Variants in SLCO1A2 observed in about 807,000 individuals in gnomAD.
SLCO1A2 encodes OATP-1.
In SLCO1A2, 67 loss-of-function variants were observed where a neutral mutation model predicts 69.0. The ratio of observed to expected loss-of-function variants is 0.97; its 90% CI spans 0.80 to 1.19. SLCO1A2 has a LOEUF of 1.19. Ranked by LOEUF, SLCO1A2 falls within the 50% of genes most tolerant of loss-of-function variation. The pLI is 0.00. For missense variants in SLCO1A2, 787 were observed against 793.7 expected, an observed-to-expected ratio of 0.99 and a Z score of 0.10; for synonymous variants, 260 against 265.9, an observed-to-expected ratio of 0.98 and a Z score of 0.22.
intron 2 of SLCO1A2, among the ~76,000 whole-genome samples, chr12:21,346,076 A>G (rs772725769): frequency 6.6e-6 from 1 of 152,178 alleles, no homozygotes; most frequent in Middle Eastern, 3.4e-3. Context: ...TCTAAACACT[A>G]CAATTAGGAA....
At chr12:21,279,079 A>T (rs2136149808) in intron 12 of SLCO1A2, among the ~76,000 whole-genome samples, 1 of 152,126 alleles carries the variant, frequency 6.6e-6, no homozygotes, top group South Asian at 2.1e-4. Flanking sequence ...ATGCCTCAGA[A>T]TCTCTTAATA....
At chr12:21,375,823 C>A (rs1469060721) in intron 1 of SLCO1A2, among the ~76,000 whole-genome samples, 1 of 152,146 alleles carries the variant, frequency 6.6e-6, no homozygotes, top group Non-Finnish European at 1.5e-5. Context: ...TCAAGAATTT[C>A]CATGTGTGTA....
intron 1 of SLCO1A2, among the ~76,000 whole-genome samples, chr12:21,411,408 A>G (rs959619910): frequency 6.6e-6 from 1 of 152,192 alleles, no homozygotes; most frequent in African/African-American, 2.4e-5. Context: ...GTGATCATAT[A>G]CCAAAATCCC....
intron 2 of SLCO1A2, among the ~76,000 whole-genome samples, chr12:21,341,436 C>A (rs979501401): frequency 2.5e-5 from 3 of 120,412 alleles, no homozygotes; most frequent in Non-Finnish European, 5.5e-5. Flanking sequence ...GGAATTGATT[C>A]TTTAAAAATG....
intron 8 of SLCO1A2, among the ~76,000 whole-genome samples, chr12:21,299,821 TATACAC>T (rs1243010078): frequency 1.5e-5 from 2 of 136,248 alleles, no homozygotes; most frequent in African/African-American, 5.7e-5. Context: ...CACACACACA[TATACAC>T]ACACATATAT....
chr12:21,285,961 C>A (rs1200472393), intron 12 of SLCO1A2, among the ~76,000 whole-genome samples: 1 of 152,122 alleles, frequency 6.6e-6, no homozygotes, highest in Non-Finnish European at 1.5e-5. Flanking sequence ...GACAGGGATG[C>A]CCTCTCTCAC....
At chr12:21,298,456 C>T (rs1433064021) in intron 8 of SLCO1A2, among the ~76,000 whole-genome samples, 1 of 152,146 alleles carries the variant, frequency 6.6e-6, no homozygotes, top group East Asian at 1.9e-4. Context: ...TGTTCTCTGT[C>T]TTGACTTTCT....
At chr12:21,281,171 G>T (rs1023465815) in intron 12 of SLCO1A2, among the ~76,000 whole-genome samples, 1 of 152,068 alleles carries the variant, frequency 6.6e-6, no homozygotes, top group Admixed American at 6.6e-5. Context: ...AACCCAATGG[G>T]CCAGGCGTGG....
chr12:21,330,657 A>C (rs12231212), intron 2 of SLCO1A2, among the ~76,000 whole-genome samples: 57,087 of 152,082 alleles, frequency 0.38, 11,546 homozygotes, highest in African/African-American at 0.53. Flanking sequence ...TAAAAAGAAA[A>C]AGATTATAGA....
intron 3 of SLCO1A2, among the ~76,000 whole-genome samples, chr12:21,315,263 C>A (rs1416478135): frequency 4.6e-5 from 7 of 151,998 alleles, no homozygotes; most frequent in Admixed American, 3.9e-4. Context: ...AATTAGTAGA[C>A]CCCCACTTCT....
chr12:21,329,369 G>A (rs2136930354), intron 2 of SLCO1A2, among the ~76,000 whole-genome samples: 1 of 152,256 alleles, frequency 6.6e-6, no homozygotes, highest in African/African-American at 2.4e-5. Flanking sequence ...TCTGTGGGTA[G>A]CTTGGAGTCT....
In SLCO1A2 at chr12:21,267,934, G is replaced by A. The variant is rs1327441358; in HGVS notation, c.*1614C>T. 1.3e-5 allele frequency: 2 copies of A among 151,976 alleles called. No individual in the cohort carries two copies. The highest frequency in any genetic ancestry group is 2.9e-5 in the Non-Finnish European group (2 of 68,008). The allele number at this position is 151,976 out of a possible 1,614,324, so 9.4% of individuals were successfully genotyped here. On this transcript the variant is annotated 3_prime_UTR_variant, in exon 15 of 15. Transcript: ENST00000683939. ...AAACTCCCCCTTTCCAATGATTTTA[G>A]TTCCTCTCTCTTGTTTCAAAGCCAG...
At chr12:21,284,424 A>C (rs1011419078) in intron 12 of SLCO1A2, among the ~76,000 whole-genome samples, 1 of 150,986 alleles carries the variant, frequency 6.6e-6, no homozygotes, top group African/African-American at 2.4e-5. Context: ...TTAACACCCC[A>C]CTGTCAACAT....
At chr12:21,299,956 ATGTG>A (rs1189937761) in intron 8 of SLCO1A2, among the ~76,000 whole-genome samples, 12 of 148,556 alleles carry the variant, frequency 8.1e-5, no homozygotes, top group African/African-American at 2.0e-4. Flanking sequence ...TCATATATAT[ATGTG>A]TGTGTGTACA....
chr12:21,300,502 A>C lies in SLCO1A2; in HGVS notation c.756T>G (p.Cys252Trp). The part of the protein sequence containing the change: ...VGAWWFGFLI[C>W]AGVNVLTAIP... ...TGGCAGTGAGCACGTTAACTCCTGC[A>C]CAAATCAGAAAGCCAAACCACCATG... Residue 252 changes from cysteine (C) to tryptophan (W), a missense_variant, in exon 8 of 15, where the codon TGT (cysteine) becomes TGG (tryptophan). Physicochemically the swap from Cys to Trp is radical, Grantham distance 215. Coordinates refer to ENST00000683939, the MANE Select transcript of SLCO1A2 (RefSeq NM_001386879.1). 1 of 1,613,628 alleles carries C rather than the reference A, an allele frequency of 6.2e-7. No homozygotes were observed. Among genetic ancestry groups the C allele is most frequent in the Non-Finnish European group, 8.5e-7 (1 of 1,179,766 alleles).
intron 4 of SLCO1A2, among the ~76,000 whole-genome samples, chr12:21,311,130 T>C (rs2127118): frequency 0.065 from 9,847 of 152,210 alleles, 735 homozygotes; most frequent in East Asian, 0.35. Flanking sequence ...TTTATTCAAG[T>C]TTTATTATGA....
intron 12 of SLCO1A2, among the ~76,000 whole-genome samples, 198 bp downstream of exon 12, chr12:21,291,966 T>G (rs1466002092): frequency 6.6e-6 from 1 of 151,894 alleles, no homozygotes; most frequent in African/African-American, 2.4e-5. Context: ...GGAATAGGAG[T>G]GAAATGCCAG....
intron 12 of SLCO1A2, among the ~76,000 whole-genome samples, chr12:21,280,649 A>C (rs576791722): frequency 6.6e-6 from 1 of 150,542 alleles, no homozygotes; most frequent in African/African-American, 2.5e-5. Flanking sequence ...TTCACACCTC[A>C]CTTTCAGCAT....
chr12:21,417,496 C>A (rs1249821127), intron 1 of SLCO1A2, among the ~76,000 whole-genome samples: 3 of 146,878 alleles, frequency 2.0e-5, no homozygotes, highest in Non-Finnish European at 4.5e-5. Flanking sequence ...AGAGGCAATA[C>A]CAGAAGAAAT....
Sources: gnomAD v4.1 joint callset for allele counts (sites outside exome capture counted in the v4.1 genomes callset) on GRCh38, gnomAD v4.1.1 for gene constraint, MANE v1.5 for transcripts, NCBI Gene and HGNC (gene_info 2026-07-23, HGNC 2026-07-21) for gene names.